PPARGC1A: variants seen among roughly 807,000 people sequenced by gnomAD.
PPARGC1A encodes the protein PPARG coactivator 1 alpha.
Under a neutral mutation model 88.7 loss-of-function variants are expected in PPARGC1A, and 25 were observed. The ratio of observed to expected loss-of-function variants is 0.28; its 90% confidence interval spans 0.21 to 0.39. The LOEUF is 0.39. Ranked by LOEUF, PPARGC1A falls within the 10% of genes least tolerant of loss-of-function variation. The pLI is 1.00. For synonymous variants in PPARGC1A, 363 were observed against 355.6 expected (o/e 1.02, Z -0.24); for missense variants, 880 against 968.7 (o/e 0.91, Z 1.22).
chr4:24,085,764 T>G, the PPARGC1A span, among the ~76,000 whole-genome samples: 1 of 152,208 alleles, frequency 6.6e-6, no homozygotes, highest in Non-Finnish European at 1.5e-5. Flanking sequence ...TCAGATGCCA[T>G]CTACTCTGTG....
intron 2 of PPARGC1A, among the ~76,000 whole-genome samples, chr4:23,852,284 C>T (rs1577513156): frequency 6.6e-6 from 1 of 152,158 alleles, no homozygotes; most frequent in Admixed American, 6.5e-5. Flanking sequence ...TATTAGATTA[C>T]TTAACAACAG....
intron 10 of PPARGC1A, among the ~76,000 whole-genome samples, chr4:23,807,221 T>A (rs1320355333): frequency 2.6e-5 from 4 of 152,072 alleles, no homozygotes; most frequent in Non-Finnish European, 5.9e-5. Flanking sequence ...AAGGTACAGA[T>A]AGAAAGATAT....
At chr4:23,801,374 T>A (rs1718707105) in intron 12 of PPARGC1A, among the ~76,000 whole-genome samples, 1 of 151,030 alleles carries the variant, frequency 6.6e-6, no homozygotes, top group South Asian at 2.1e-4. Context: ...ACACACAATA[T>A]CCACAGAGAT....
chr4:24,231,481 C>T, the PPARGC1A span, among the ~76,000 whole-genome samples: 2 of 152,170 alleles, frequency 1.3e-5, no homozygotes, highest in Non-Finnish European at 2.9e-5. Context: ...TGCCTCAAGG[C>T]CCAGAGTGAC....
chr4:24,023,483 G>A, the PPARGC1A span, among the ~76,000 whole-genome samples: 29 of 152,334 alleles, frequency 1.9e-4, no homozygotes, highest in African/African-American at 6.5e-4. Context: ...CCCTGCTGTA[G>A]TGTTCAGGAC....
At chr4:24,433,069 G>T in the PPARGC1A span, among the ~76,000 whole-genome samples, 3 of 152,210 alleles carry the variant, frequency 2.0e-5, no homozygotes, top group Non-Finnish European at 4.4e-5. Flanking sequence ...CTTAGAGATG[G>T]AACCAGGGAG....
chr4:24,427,282 A>AT, the PPARGC1A span, among the ~76,000 whole-genome samples: 6,175 of 136,730 alleles, frequency 0.045, 192 homozygotes, highest in East Asian at 0.21. Context: ...TTCTTTATTT[A>AT]TTTTTTTTTT....
the PPARGC1A span, among the ~76,000 whole-genome samples, chr4:24,332,968 G>A: frequency 1.1e-4 from 16 of 152,194 alleles, no homozygotes; most frequent in East Asian, 1.9e-4. Context: ...GAGGCCAGGC[G>A]TTGTGGCTCA....
chr4:24,126,578 T>C, the PPARGC1A span, among the ~76,000 whole-genome samples: 15 of 152,254 alleles, frequency 9.9e-5, no homozygotes, highest in South Asian at 3.1e-3. Context: ...TGAGTTTTCC[T>C]GACCTTTTCC....
chr4:23,953,155 A>T, the PPARGC1A span, among the ~76,000 whole-genome samples: 4 of 152,136 alleles, frequency 2.6e-5, no homozygotes, highest in African/African-American at 9.6e-5. Context: ...ATATTCTATC[A>T]TGAGCTTTTT....
chr4:24,105,655 G>A, the PPARGC1A span, among the ~76,000 whole-genome samples: 3 of 152,194 alleles, frequency 2.0e-5, no homozygotes, highest in African/African-American at 7.2e-5. Context: ...TATAATAAGC[G>A]AATGGTGTTT....
At chr4:23,818,591 A>T (rs1171885298) in intron 7 of PPARGC1A, among the ~76,000 whole-genome samples, 1 of 151,958 alleles carries the variant, frequency 6.6e-6, no homozygotes. Flanking sequence ...CCTCTACATC[A>T]CTCACACTTA....
the PPARGC1A span, among the ~76,000 whole-genome samples, chr4:23,909,631 C>T: frequency 6.6e-6 from 1 of 151,820 alleles, no homozygotes; most frequent in African/African-American, 2.4e-5. Flanking sequence ...GAGGGAGAGA[C>T]AGCATTCCCT....
chr4:24,470,103 A>T, the PPARGC1A span, among the ~76,000 whole-genome samples: 5 of 151,988 alleles, frequency 3.3e-5, no homozygotes. This position sits in a 1 kb window ranked among gnomAD's most constrained non-coding sequence, Gnocchi z 5.8. Flanking sequence ...GGTCGGAGGC[A>T]CGCGCCTGGA....
At chr4:24,173,827 T>A in the PPARGC1A span, among the ~76,000 whole-genome samples, 1 of 152,180 alleles carries the variant, frequency 6.6e-6, no homozygotes, top group African/African-American at 2.4e-5. Context: ...GGGATAACAT[T>A]TGAAGAGTTA....
the PPARGC1A span, among the ~76,000 whole-genome samples, chr4:24,454,572 CA>C: frequency 0.51 from 76,511 of 151,136 alleles, 19,882 homozygotes; most frequent in African/African-American, 0.63. Flanking sequence ...CTTGTTTCTA[CA>C]AAAAAAATTT....
the PPARGC1A span, among the ~76,000 whole-genome samples, chr4:24,114,751 T>C: frequency 6.6e-6 from 1 of 152,178 alleles, no homozygotes; most frequent in South Asian, 2.1e-4. Flanking sequence ...TTATTACTGT[T>C]TAGGATGCAA....
the PPARGC1A span, among the ~76,000 whole-genome samples, chr4:24,310,186 G>A: frequency 6.6e-6 from 1 of 152,142 alleles, no homozygotes; most frequent in Non-Finnish European, 1.5e-5. Context: ...GAGTGTTCCA[G>A]GTTGGAGTTG....
At chr4:24,207,455 G>A in the PPARGC1A span, among the ~76,000 whole-genome samples, 1 of 152,174 alleles carries the variant, frequency 6.6e-6, no homozygotes, top group African/African-American at 2.4e-5. Flanking sequence ...CAGCAAGTCA[G>A]AAAATGGTGG....
Sources: gnomAD v4.1 joint callset for allele counts (sites outside exome capture counted in the v4.1 genomes callset) on GRCh38, gnomAD v4.1.1 for gene constraint, Gnocchi (gnomAD v3.1) non-coding constraint, MANE v1.5 for transcripts, NCBI Gene and HGNC (gene_info 2026-07-23, HGNC 2026-07-21) for gene names.